Variants in RARB observed in about 807,000 individuals in gnomAD.
RARB encodes the protein retinoic acid receptor beta, also known as HBV-activated protein.
In RARB, 17 loss-of-function variants were observed where a neutral mutation model predicts 51.9. That is an observed-to-expected ratio of 0.33 (90% CI 0.22 to 0.49). RARB has a LOEUF of 0.49. RARB is among the 20% of genes least tolerant of loss of function. RARB has a pLI of 0.99. For missense variants in RARB, 369 were observed against 550.8 expected (o/e 0.67, Z 3.30); for synonymous variants, 215 against 195.4 (o/e 1.10, Z -0.84).
At chr3:25,051,184 A>G (rs746604910) in intron 2 of RARB, among the ~76,000 whole-genome samples, 2 of 152,254 alleles carry the variant, frequency 1.3e-5, no homozygotes, top group South Asian at 4.1e-4. Context: ...GAGGAAAAGC[A>G]GGTGTTGAGA....
At position 25,482,521 on chromosome 3, in the gene RARB, A is replaced by ATTTT. The variant is rs71087718; in HGVS notation, c.307-18628_307-18625dup. ...TAACTTTAAATTTTCTAGCAGCCAA[A>ATTTT]TTTTTTTTTTTTTTTTTTTTTTTTT... On this transcript the variant is annotated intron_variant, in intron 2 of 7. Coordinates refer to ENST00000330688, the MANE Select transcript of RARB (RefSeq NM_000965.5). 2.0e-3 allele frequency among the ~76,000 whole-genome samples: 133 copies of ATTTT among 65,778 alleles called. 26 individuals are homozygous for ATTTT. Among genetic ancestry groups the ATTTT allele is most frequent in the African/African-American group, 7.6e-3 (109 of 14,272 alleles). 43.2% of individuals were successfully genotyped at this position (65,778 alleles called of 152,430 possible). A position where few individuals can be genotyped will look rare whatever the true frequency, so the allele number is the denominator to read the frequency against.
At chr3:24,953,479 A>G (rs1431604390) in intron 2 of RARB, among the ~76,000 whole-genome samples, 2 of 152,140 alleles carry the variant, frequency 1.3e-5, no homozygotes, top group Non-Finnish European at 2.9e-5. Context: ...GCATTTAAGA[A>G]AGGACTGAGC....
intron 4 of RARB, among the ~76,000 whole-genome samples, chr3:25,162,439 A>G (rs1016582436): frequency 6.6e-6 from 1 of 152,182 alleles, no homozygotes; most frequent in Non-Finnish European, 1.5e-5. Context: ...TATAATTCAA[A>G]CAACAACATT....
At chr3:25,222,169 C>G (rs1185520239) in intron 5 of RARB, among the ~76,000 whole-genome samples, 1 of 152,168 alleles carries the variant, frequency 6.6e-6, no homozygotes, top group Non-Finnish European at 1.5e-5. Flanking sequence ...GGAGGCAGGA[C>G]TACCCAGTGC....
chr3:25,154,227 C>T (rs1700338947), intron 4 of RARB, among the ~76,000 whole-genome samples: 1 of 152,214 alleles, frequency 6.6e-6, no homozygotes, highest in South Asian at 2.1e-4. Flanking sequence ...TATATATCCA[C>T]AGGCATTTCA....
intron 5 of RARB, among the ~76,000 whole-genome samples, chr3:25,588,840 C>T (rs1365716631): frequency 6.6e-6 from 1 of 152,080 alleles, no homozygotes; most frequent in Non-Finnish European, 1.5e-5. Flanking sequence ...GCTAGCTTCC[C>T]CAGAGCAAGA....
At chr3:24,999,208 T>A (rs926499714) in intron 2 of RARB, among the ~76,000 whole-genome samples, 9 of 152,154 alleles carry the variant, frequency 5.9e-5, no homozygotes, top group African/African-American at 2.2e-4. Context: ...TCCCATGATA[T>A]GAAATTAGAG....
chr3:25,044,480 G>A (rs527665704), intron 2 of RARB, among the ~76,000 whole-genome samples: 1 of 152,148 alleles, frequency 6.6e-6, no homozygotes, highest in East Asian at 1.9e-4. Context: ...TATATATTTA[G>A]GGCTAAAAAA....
At chr3:24,910,387 T>A (rs1694967568) in intron 2 of RARB, among the ~76,000 whole-genome samples, 1 of 152,192 alleles carries the variant, frequency 6.6e-6, no homozygotes, top group South Asian at 2.1e-4. Context: ...AATAATGAAA[T>A]TTATCATCTC....
chr3:25,433,434 T>A (rs911762896), intron 1 of RARB, among the ~76,000 whole-genome samples: 1 of 152,220 alleles, frequency 6.6e-6, no homozygotes, highest in South Asian at 2.1e-4. Flanking sequence ...CGTAGCAAAC[T>A]ATAGATCTGT....
chr3:25,542,785 T>A (rs1699439844), intron 3 of RARB, among the ~76,000 whole-genome samples: 1 of 152,248 alleles, frequency 6.6e-6, no homozygotes, highest in South Asian at 2.1e-4. Context: ...AGTAAATTTA[T>A]GGAGCACTTA....
chr3:24,833,967 A>T (rs1479765055), intron 1 of RARB, among the ~76,000 whole-genome samples: 1 of 152,210 alleles, frequency 6.6e-6, no homozygotes, highest in Non-Finnish European at 1.5e-5. Context: ...TTTTGTCCTG[A>T]CATGATAGAT....
intron 2 of RARB, among the ~76,000 whole-genome samples, chr3:25,014,151 GT>G (rs1395094571): frequency 6.6e-6 from 1 of 152,060 alleles, no homozygotes; most frequent in Non-Finnish European, 1.5e-5. Context: ...TGTGGCATAT[GT>G]TTTTTCCCCA....
chr3:25,171,117 C>G (rs533480925), intron 4 of RARB, among the ~76,000 whole-genome samples: 2 of 152,082 alleles, frequency 1.3e-5, no homozygotes, highest in Admixed American at 6.5e-5. Context: ...ACCCCTTTTA[C>G]AGATTCTGAA....
intron 2 of RARB, among the ~76,000 whole-genome samples, chr3:25,000,432 C>A (rs2125274678): frequency 6.6e-6 from 1 of 152,282 alleles, no homozygotes; most frequent in Non-Finnish European, 1.5e-5. Context: ...TACTTACTTA[C>A]AGAGAGAAAT....
intron 3 of RARB, among the ~76,000 whole-genome samples, chr3:25,506,071 A>G (rs993834484): frequency 6.6e-6 from 1 of 152,106 alleles, no homozygotes. Context: ...TCTTTAAGCC[A>G]AAGGTCAGCA....
intron 2 of RARB, among the ~76,000 whole-genome samples, chr3:24,954,170 G>C (rs982689481): frequency 6.6e-6 from 1 of 152,104 alleles, no homozygotes; most frequent in African/African-American, 2.4e-5. Flanking sequence ...ACTCCTGCCA[G>C]ATTGTGAGGC....
intron 5 of RARB, among the ~76,000 whole-genome samples, chr3:25,356,184 G>T (rs533152766): frequency 6.6e-6 from 1 of 152,080 alleles, no homozygotes; most frequent in Non-Finnish European, 1.5e-5. Flanking sequence ...TTTTCAAAGA[G>T]AAGTATTTAT....
At position 24,873,972 on chromosome 3, in the gene RARB, C is replaced by T. The variant is rs370880984; in HGVS notation, c.-380+15220C>T. ...AGGGGAAAAGTTAAAAATAGCAAGG[C>T]AACAAAATACTGATAAAAATATAGT... is the stretch of plus-strand genomic sequence containing the variant. On this transcript the variant is annotated intron_variant, in intron 2 of 11. Transcript: ENST00000383772. Among the ~76,000 whole-genome samples the T allele has an allele frequency of 2.6e-5, 4 of 151,866 alleles. No individual in the cohort carries two copies. In the East Asian group the frequency reaches 5.8e-4, roughly 22 times the overall value.
Sources: allele counts gnomAD v4.1 joint callset (sites outside exome capture counted in the v4.1 genomes callset), GRCh38; gene constraint gnomAD v4.1.1; transcripts MANE v1.5; gene names NCBI Gene and HGNC (gene_info 2026-07-23, HGNC 2026-07-21).